Variants in DENND5B observed in about 807,000 individuals in gnomAD.
The protein encoded by DENND5B is DENN domain containing 5B.
DENND5B carries 34 observed loss-of-function variants against 140.6 expected under a neutral mutation model. That is an observed-to-expected ratio of 0.24 (90% confidence interval 0.18 to 0.32). The LOEUF (loss-of-function observed/expected upper bound fraction) is 0.32, where lower values mean the gene tolerates loss of function less well. Among genes scored for constraint, DENND5B ranks in the 10% least tolerant of loss-of-function variants. The pLI is 1.00. For missense variants in DENND5B, 1,142 were observed against 1,560.2 expected, an observed-to-expected ratio of 0.73 and a Z score of 4.52; for synonymous variants, 551 against 562.1, an observed-to-expected ratio of 0.98 and a Z score of 0.28.
intron 5 of DENND5B, among the ~76,000 whole-genome samples, chr12:31,448,840 C>T (rs900704205): frequency 6.2e-5 from 9 of 145,732 alleles, no homozygotes; most frequent in African/African-American, 2.0e-4. Context: ...AGTGAAACCG[C>T]ATTTCCAAAA....
chr12:31,397,097 C>A (rs1941514353), intron 17 of DENND5B, among the ~76,000 whole-genome samples: 1 of 152,094 alleles, frequency 6.6e-6, no homozygotes, highest in African/African-American at 2.4e-5. Flanking sequence ...TTAAAGCCTA[C>A]ATTAGTATAA....
chr12:31,428,565 C>G (rs1431523062), intron 8 of DENND5B, among the ~76,000 whole-genome samples: 1 of 151,374 alleles, frequency 6.6e-6, no homozygotes, highest in African/African-American at 2.4e-5. Context: ...CCATGCCCAG[C>G]TAATTTTTGT....
At chr12:31,582,767 A>T (rs1950248585) in intron 1 of DENND5B, among the ~76,000 whole-genome samples, 1 of 152,236 alleles carries the variant, frequency 6.6e-6, no homozygotes, top group South Asian at 2.1e-4. Context: ...GAATAAGAAG[A>T]TAATTTCACT....
intron 4 of DENND5B, among the ~76,000 whole-genome samples, chr12:31,459,187 G>C (rs1324669415): frequency 6.8e-6 from 1 of 147,784 alleles, no homozygotes; most frequent in Non-Finnish European, 1.5e-5. Context: ...TGGGCAACAA[G>C]AGCGAAACTC....
intron 12 of DENND5B, 27 bp from the exon 13 acceptor site, chr12:31,413,591 T>C (rs929571308): frequency 1.2e-6 from 2 of 1,600,862 alleles, no homozygotes; most frequent in African/African-American, 2.7e-5. Context: ...ACAGCAAAGA[T>C]GTAGATTTTA....
chr12:31,477,474 C>CAGAG (rs1565618867), intron 3 of DENND5B: 1 of 152,212 alleles, frequency 6.6e-6, no homozygotes, highest in Non-Finnish European at 1.5e-5. Flanking sequence ...ATTTAGCAGG[C>CAGAG]GCTCTCTCTA....
intron 1 of DENND5B, 135 bp downstream of exon 1, chr12:31,590,571 G>C (rs1950585363): frequency 9.0e-7 from 1 of 1,116,458 alleles, no homozygotes; most frequent in South Asian, 2.1e-5. Flanking sequence ...CCGAGCGCCA[G>C]TTCGGCCAGA....
chr12:31,429,336 C>A (rs558741124), intron 8 of DENND5B, among the ~76,000 whole-genome samples: 3 of 152,282 alleles, frequency 2.0e-5, no homozygotes, highest in Non-Finnish European at 4.4e-5. Context: ...ATCTATCAAC[C>A]ATTACCAGCA....
intron 2 of DENND5B, among the ~76,000 whole-genome samples, chr12:31,488,103 G>A (rs1046633693): frequency 1.3e-5 from 2 of 150,954 alleles, no homozygotes; most frequent in African/African-American, 2.4e-5. Context: ...TTACAAGTGT[G>A]TGCGATTATA....
intron 1 of DENND5B, among the ~76,000 whole-genome samples, chr12:31,502,869 G>C (rs369924831): frequency 1.5e-4 from 23 of 152,228 alleles, no homozygotes; most frequent in African/African-American, 2.9e-4. Context: ...TAAAGGAATC[G>C]GTTTATTACA....
chr12:31,506,605 T>A (rs1263702357), intron 1 of DENND5B, among the ~76,000 whole-genome samples: 1 of 152,182 alleles, frequency 6.6e-6, no homozygotes, highest in Non-Finnish European at 1.5e-5. Flanking sequence ...ACTTTGGAAG[T>A]CCCAGGCTAC....
chr12:31,527,398 G>A (rs577816460), intron 1 of DENND5B, among the ~76,000 whole-genome samples: 8 of 152,216 alleles, frequency 5.3e-5, no homozygotes, highest in African/African-American at 1.2e-4. Flanking sequence ...GGTTACGGGC[G>A]GCCAGATCAT....
intron 1 of DENND5B, among the ~76,000 whole-genome samples, chr12:31,552,459 T>A (rs1266893527): frequency 6.6e-6 from 1 of 152,208 alleles, no homozygotes; most frequent in African/African-American, 2.4e-5. Flanking sequence ...CTGGATTTGG[T>A]TTGCCAGTAT....
rs1260335585 is a variant in DENND5B, at chr12:31,475,234, T to C, written c.904+4355A>G. ...CCTAACATAGAGTGATTTTAGTGAA[T>C]GGTTATAAATTTACTGTATGGCAAT... On this transcript the variant is annotated intron_variant, in intron 3 of 20. Transcript: ENST00000389082. 1.3e-5 allele frequency among the ~76,000 whole-genome samples: 2 copies of C among 152,330 alleles called. 1 individual carries two copies.
intron 16 of DENND5B, 90 bp from the exon 17 acceptor site, chr12:31,398,452 G>T: frequency 8.0e-7 from 1 of 1,251,832 alleles, no homozygotes; most frequent in Non-Finnish European, 1.1e-6. Context: ...CTACAGGTGT[G>T]CACCACCACA....
chr12:31,575,356 G>GA, intron 1 of DENND5B, among the ~76,000 whole-genome samples: 1 of 152,208 alleles, frequency 6.6e-6, no homozygotes, highest in South Asian at 2.1e-4. Context: ...GATAATGTTG[G>GA]TGCTGATTCT....
chr12:31,417,393 G>A (rs972373955), intron 11 of DENND5B, among the ~76,000 whole-genome samples: 26 of 149,962 alleles, frequency 1.7e-4, no homozygotes, highest in Non-Finnish European at 3.5e-4. Flanking sequence ...CTAAGATTTC[G>A]GACTCTTCAA....
At chr12:31,405,821 C>T (rs1942100172) in intron 14 of DENND5B, among the ~76,000 whole-genome samples, 1 of 151,418 alleles carries the variant, frequency 6.6e-6, no homozygotes, top group South Asian at 2.1e-4. Context: ...GCTGGGATTA[C>T]AGGTGTGAGC....
intron 2 of DENND5B, among the ~76,000 whole-genome samples, chr12:31,483,130 A>T (rs564475400): frequency 1.3e-5 from 2 of 152,332 alleles, no homozygotes; most frequent in East Asian, 3.9e-4. Context: ...CTTGTGGCAG[A>T]TATAGCTCCA....
Sources: gnomAD v4.1 joint callset for allele counts (sites outside exome capture counted in the v4.1 genomes callset) on GRCh38, gnomAD v4.1.1 for gene constraint, MANE v1.5 for transcripts, NCBI Gene and HGNC (gene_info 2026-07-23, HGNC 2026-07-21) for gene names.